POLQ: variants seen among roughly 807,000 people sequenced by gnomAD.
POLQ encodes DNA polymerase theta, also known as epididymis secretory sperm binding protein.
A neutral mutation model predicts 259.2 loss-of-function variants in POLQ; 233 were observed. The ratio of observed to expected loss-of-function variants is 0.90; its 90% CI spans 0.81 to 1.00. POLQ has a LOEUF of 1.00. POLQ is among the 50% of genes least tolerant of loss of function. The pLI, the probability that POLQ is intolerant of heterozygous loss-of-function variation, is 0.00. For missense variants in POLQ, 2,871 were observed against 3,051.6 expected, an observed-to-expected ratio of 0.94 and a Z score of 1.39; for synonymous variants, 1,025 against 1,048.8, an observed-to-expected ratio of 0.98 and a Z score of 0.44.
At chr3:121,480,622 G>A (rs1375343434) in intron 19 of POLQ, among the ~76,000 whole-genome samples, 1 of 151,598 alleles carries the variant, frequency 6.6e-6, no homozygotes, top group African/African-American at 2.4e-5. Flanking sequence ...AGCCAGCCTA[G>A]CCACACATTT....
rs1362873041 is a variant in POLQ at position 121,545,783 on chromosome 3, T to G, written c.95A>C (p.Gln32Pro). 6.2e-7 allele frequency: 1 copy of G among 1,610,246 alleles called. No homozygotes were observed. The highest frequency in any genetic ancestry group is 1.3e-5 in the African/African-American group (1 of 74,876). ...GSGGDSSASP[Q>P]FLSGSVLSPP... ...GCTCAGCACGGACCCGGAGAGGAAC[T>G]GGGGGCTGGCACTGCTGTCACCGCC... Residue 32 changes from glutamine (Q) to proline (P), a missense_variant, in exon 1 of 30, where the codon CAG becomes CCG. Coordinates refer to ENST00000264233, the MANE Select transcript of POLQ (RefSeq NM_199420.4).
In POLQ at chr3:121,462,205, G is replaced by T. The variant is rs373595115; in HGVS notation, c.6968-1971C>A. Among the ~76,000 whole-genome samples the T allele has an allele frequency of 2.2e-4, 33 of 152,158 alleles. No homozygotes were observed. The South Asian group carries it at 3.3e-3, about 15-fold the overall frequency. On this transcript the variant is annotated intron_variant, in intron 24 of 29. Coordinates refer to ENST00000264233, the MANE Select transcript of POLQ (RefSeq NM_199420.4). ...ACAAGGGATACTCAAACTGTAAATG[G>T]CCACAACTTTGGTGGACTTCCTACC...
rs2047855203 is a variant in POLQ, at chr3:121,468,335, G to A, written c.6815C>T (p.Ala2272Val). The change falls in exon 23 of 30, where the codon GCT (alanine) becomes GTT (valine). Residue 2272 changes from alanine (A) to valine (V), a missense_variant. By Grantham distance (64) the Ala-to-Val change is moderately conservative. Around this residue, in one of 3 missense-constraint regions of POLQ, gnomAD observed 2,080 missense variants for 2,126.0 expected, o/e 0.98. Transcript: ENST00000264233. ...TLVGESPPSQ[A>V]VGKGLLPMGR... ...CATGGGAAGTAGGCCTTTGCCTACA[G>A]CTTGAGAAGGTGGGCTTTCTCCTAC... is the stretch of plus-strand genomic sequence containing the variant. 6.2e-7 allele frequency: 1 copy of A among 1,612,840 alleles called. No homozygotes were observed.
At chr3:121,452,994 AG>A (rs2047692873) in intron 25 of POLQ, among the ~76,000 whole-genome samples, 1 of 152,178 alleles carries the variant, frequency 6.6e-6, no homozygotes, top group Non-Finnish European at 1.5e-5. Flanking sequence ...ACCCCCCAGT[AG>A]GGGCAGACTG....
At position 121,493,526 on chromosome 3, in the gene POLQ, T is replaced by G. The variant is rs1444241657; in HGVS notation, c.2474A>C (p.Asn825Thr). The change falls in exon 15 of 30, where the codon AAT becomes ACT. Residue 825 changes from asparagine (N) to threonine (T), a missense_variant. Transcript: ENST00000264233. ...FHTVADLARANIVEVEVILKN... is the reference protein window; with the variant it reads ...FHTVADLARATIVEVEVILKN... ...CAGAATCACCTCCACCTCCACAATA[T>G]TTGCTCTAGCAAGGTCTGCCACAGT... The G allele has an allele frequency of 7.4e-6, 12 of 1,613,780 alleles. No homozygotes were observed. The highest frequency in any genetic ancestry group is 1.0e-5 in the Non-Finnish European group (12 of 1,179,822).
rs2048038543 is a variant in POLQ at position 121,488,935 on chromosome 3, T to C, written c.3996A>G (p.Ile1332Met). The C allele has an allele frequency of 6.2e-7, 1 of 1,614,064 alleles. No homozygotes were observed. Among genetic ancestry groups the C allele is most frequent in the Non-Finnish European group, 8.5e-7 (1 of 1,179,994 alleles). The change falls in exon 16 of 30, where the codon ATA becomes ATG. Residue 1332 changes from isoleucine (I) to methionine (M), a missense_variant. Ile to Met is a conservative substitution (Grantham distance 10). This residue lies in a region of POLQ where 2,080 missense variants were observed against 2,126.0 expected (regional missense o/e 0.98). Coordinates refer to ENST00000264233, the MANE Select transcript of POLQ (RefSeq NM_199420.4). ...FYLDTQSEKI[I>M]QQMATENAKL... ...TGGCATTTTCAGTTGCCATCTGTTGTATTATTTTCTCTGACTGAGTATCCA... is the reference window on the plus strand; with the variant it reads ...TGGCATTTTCAGTTGCCATCTGTTGCATTATTTTCTCTGACTGAGTATCCA...
intron 19 of POLQ, among the ~76,000 whole-genome samples, chr3:121,479,458 T>A (rs1164335677): frequency 4.0e-5 from 6 of 151,032 alleles, no homozygotes; most frequent in Non-Finnish European, 5.9e-5. Context: ...ATATATATAT[T>A]TTGTTTGTTT....
Position 121,433,015 on chromosome 3 carries a change from T to C in POLQ, c.7562A>G (p.Lys2521Arg). ...GATTGGGCAGAACATCCCTTGCAGT[T>C]TTCTCTTTCGTGACAATCCTACTTC... ...SDQTGLSRKR[K>R]LQGMFCPIRG... is the part of the protein sequence containing the mutation. Residue 2521 changes from lysine (K) to arginine (R), a missense_variant, in exon 29 of 30, where the codon AAA becomes AGA. Transcript: ENST00000264233. The C allele has an allele frequency of 3.1e-6, 5 of 1,609,316 alleles. No homozygotes were observed. The highest frequency in any genetic ancestry group is 1.3e-5 in the African/African-American group (1 of 74,950).
In POLQ at chr3:121,498,581, C is replaced by T; in HGVS notation, c.2049G>A (p.Val683=). Residue 683 remains valine (V), a synonymous_variant, in exon 13 of 30, where the codon GTG becomes GTA. Coordinates refer to ENST00000264233, the MANE Select transcript of POLQ (RefSeq NM_199420.4). ...WEKLPTSMKR[V]AELVGVEEGF... Reference sequence around the variant, plus strand: ...CCTCTTCAACTCCCACTAGCTCTGCCACCCTTTTCATTGAAGTTGGCAACT... The same window carrying T: ...CCTCTTCAACTCCCACTAGCTCTGCTACCCTTTTCATTGAAGTTGGCAACT... The T allele has an allele frequency of 6.2e-7, 1 of 1,614,030 alleles. No individual in the cohort carries two copies. Among genetic ancestry groups the T allele is most frequent in the Non-Finnish European group, 8.5e-7 (1 of 1,179,888 alleles).
chr3:121,503,049 C>A (rs758525979), intron 12 of POLQ, among the ~76,000 whole-genome samples: 1 of 152,166 alleles, frequency 6.6e-6, no homozygotes, highest in Non-Finnish European at 1.5e-5. Flanking sequence ...TATATGACAG[C>A]AGTCCCATAA....
chr3:121,531,895 C>T (rs2108817637), intron 6 of POLQ, among the ~76,000 whole-genome samples: 1 of 152,260 alleles, frequency 6.6e-6, no homozygotes, highest in Admixed American at 6.5e-5. Flanking sequence ...AAATGCATAC[C>T]TAGGTAGTTA....
At chr3:121,528,300 AG>A (rs1553822646) in intron 7 of POLQ, among the ~76,000 whole-genome samples, 1 of 85,640 alleles carries the variant, frequency 1.2e-5, no homozygotes. Context: ...TTTTGTATTT[AG>A]GAGAGATGGG....
chr3:121,501,705 CG>C (rs1350079394), intron 12 of POLQ, among the ~76,000 whole-genome samples: 2 of 143,812 alleles, frequency 1.4e-5, no homozygotes, highest in East Asian at 4.1e-4. Context: ...GCTAGCCAGG[CG>C]CAGCGGCTCA....
In POLQ at chr3:121,503,911, G is replaced by A. The variant is rs191842521; in HGVS notation, c.1960-5241C>T. Among the ~76,000 whole-genome samples the A allele has an allele frequency of 4.6e-5, 7 of 152,292 alleles. No individual in the cohort carries two copies. The East Asian group carries it at 1.2e-3, about 25-fold the overall frequency. On this transcript the variant is annotated intron_variant, in intron 12 of 29. Coordinates refer to ENST00000264233, the MANE Select transcript of POLQ (RefSeq NM_199420.4). ...TCTGTCACCCAGGCTGGAGTGCAGT[G>A]GCATAATCTCGGCTCACTGCAACCT...
intron 26 of POLQ, among the ~76,000 whole-genome samples, chr3:121,445,077 G>A (rs961813850): frequency 6.6e-6 from 1 of 152,004 alleles, no homozygotes; most frequent in Non-Finnish European, 1.5e-5. Flanking sequence ...TGTTTGTTTC[G>A]ATATGTCTTT....
intron 24 of POLQ, among the ~76,000 whole-genome samples, chr3:121,462,555 C>A (rs1311751726): frequency 2.0e-5 from 3 of 152,110 alleles, no homozygotes; most frequent in Non-Finnish European, 4.4e-5. Flanking sequence ...GATTTTTGAC[C>A]AAATATTAAG....
rs533004116 is a variant in POLQ, at chr3:121,453,354, C to G, written c.7153-3928G>C. ...GCGCCTCTCCTCCTCCAAAGGAACGCAGTTCCTCACCAGCAACGGAACAAA... is the reference window on the plus strand; with the variant it reads ...GCGCCTCTCCTCCTCCAAAGGAACGGAGTTCCTCACCAGCAACGGAACAAA... On this transcript the variant is annotated intron_variant, in intron 25 of 29. Transcript: ENST00000264233. Among the ~76,000 whole-genome samples the G allele has an allele frequency of 1.1e-4, 16 of 152,340 alleles. No homozygotes were observed. In the South Asian group the frequency reaches 2.7e-3, roughly 26 times the overall value.
At chr3:121,447,990 T>C (rs1212539332) in intron 26 of POLQ, among the ~76,000 whole-genome samples, 1 of 152,186 alleles carries the variant, frequency 6.6e-6, no homozygotes, top group Non-Finnish European at 1.5e-5. Flanking sequence ...TTGTTACATG[T>C]CTTAAGGCAG....
chr3:121,447,960 C>T lies in POLQ; in HGVS notation c.7264+1355G>A, dbSNP rs542866205. ...CTGTTTTTAGGATCCTTTCTTTATCCTTGACCTTTGGGAGTTTGATTGTTA... is the reference window on the plus strand; with the variant it reads ...CTGTTTTTAGGATCCTTTCTTTATCTTTGACCTTTGGGAGTTTGATTGTTA... On this transcript the variant is annotated intron_variant, in intron 26 of 29. Coordinates refer to ENST00000264233, the MANE Select transcript of POLQ (RefSeq NM_199420.4). Among the ~76,000 whole-genome samples, 12 of 152,206 alleles carry T rather than the reference C, an allele frequency of 7.9e-5. No individual in the cohort carries two copies. In the South Asian group the frequency reaches 2.5e-3, roughly 32 times the overall value.
Sources: allele counts gnomAD v4.1 joint callset (sites outside exome capture counted in the v4.1 genomes callset), GRCh38; gene constraint gnomAD v4.1.1; regional missense constraint gnomAD v4.1.1; transcripts MANE v1.5; gene names NCBI Gene and HGNC (gene_info 2026-07-23, HGNC 2026-07-21).